The following TBC1D4 variants were observed in gnomAD, a reference collection of about 807,000 sequenced individuals.
TBC1D4 encodes TBC1 domain family member 4.
In TBC1D4, 121 loss-of-function variants were observed where a neutral mutation model predicts 142.5. That is an observed-to-expected ratio of 0.85 (90% confidence interval 0.73 to 0.99). The LOEUF (loss-of-function observed/expected upper bound fraction) is 0.99, where lower values mean the gene tolerates loss of function less well. Ranked by LOEUF, TBC1D4 falls within the 50% of genes least tolerant of loss-of-function variation. The pLI is 0.00. For synonymous variants in TBC1D4, 630 were observed against 628.2 expected, an observed-to-expected ratio of 1.00 and a Z score of -0.04; for missense variants, 1,475 against 1,606.6, an observed-to-expected ratio of 0.92 and a Z score of 1.40.
intron 14 of TBC1D4, among the ~76,000 whole-genome samples, chr13:75,308,269 A>T (rs567662950): frequency 6.6e-6 from 1 of 152,322 alleles, no homozygotes; most frequent in South Asian, 2.1e-4. Context: ...TAACCTGTAA[A>T]ATCATATAGT....
intron 1 of TBC1D4, among the ~76,000 whole-genome samples, chr13:75,382,266 A>G (rs1883896974): frequency 6.6e-6 from 1 of 152,214 alleles, no homozygotes; most frequent in South Asian, 2.1e-4. Context: ...GTGAGTGTCC[A>G]ATGTCTATTT....
At chr13:75,371,761 C>T (rs1448265560) in intron 1 of TBC1D4, among the ~76,000 whole-genome samples, 1 of 152,064 alleles carries the variant, frequency 6.6e-6, no homozygotes, top group Non-Finnish European at 1.5e-5. Flanking sequence ...TAAAATGAAC[C>T]CATGTAGGTA....
At chr13:75,294,288 T>G (rs1057420508) in intron 18 of TBC1D4, among the ~76,000 whole-genome samples, 1 of 152,188 alleles carries the variant, frequency 6.6e-6, no homozygotes, top group East Asian at 1.9e-4. Flanking sequence ...CTCTACTGAC[T>G]GTACTTAGTG....
chr13:75,347,006 A>C (rs1293402825), intron 5 of TBC1D4, among the ~76,000 whole-genome samples: 1 of 152,204 alleles, frequency 6.6e-6, no homozygotes, highest in Admixed American at 6.5e-5. Flanking sequence ...ACAACATTTT[A>C]AATGTCACCT....
chr13:75,348,915 G>A (rs1251722619), intron 5 of TBC1D4, among the ~76,000 whole-genome samples: 1 of 149,502 alleles, frequency 6.7e-6, no homozygotes, highest in African/African-American at 2.5e-5. Flanking sequence ...CTTCAGAAAT[G>A]AGAGAGAGAG....
intron 1 of TBC1D4, among the ~76,000 whole-genome samples, chr13:75,386,820 G>C (rs1343337839): frequency 6.6e-6 from 1 of 152,092 alleles, no homozygotes; most frequent in East Asian, 1.9e-4. Flanking sequence ...GTTAATATAG[G>C]TATAAAATTT....
chr13:75,423,265 T>C (rs1886242701), intron 1 of TBC1D4, among the ~76,000 whole-genome samples: 1 of 152,016 alleles, frequency 6.6e-6, no homozygotes. Context: ...GTTTTTTTTT[T>C]CTCTGTTTAA....
rs1213489024 is a variant in TBC1D4, at chr13:75,384,135, T to C, written c.499-21528A>G. ...ATAATAATGATAAAAAGAAAACTTA[T>C]CTCCAGGCCAGGTGCAGTGGCTCAC... On this transcript the variant is annotated intron_variant, in intron 1 of 20. Transcript: ENST00000377636. 2.0e-5 allele frequency among the ~76,000 whole-genome samples: 3 copies of C among 152,154 alleles called. No homozygotes were observed. In the East Asian group the frequency reaches 5.8e-4, roughly 29 times the overall value.
chr13:75,461,685 C>T (rs1406397335), intron 1 of TBC1D4, among the ~76,000 whole-genome samples: 1 of 152,198 alleles, frequency 6.6e-6, no homozygotes, highest in Non-Finnish European at 1.5e-5. Flanking sequence ...TTCCTACATA[C>T]AGGTAGCTAC....
chr13:75,470,783 T>C (rs1386352683), intron 1 of TBC1D4, among the ~76,000 whole-genome samples: 3 of 151,960 alleles, frequency 2.0e-5, no homozygotes, highest in Non-Finnish European at 2.9e-5. Flanking sequence ...GTCAGGAGTT[T>C]AAGACCAGCC....
At chr13:75,342,656 T>TA (rs1454815427) in intron 5 of TBC1D4, among the ~76,000 whole-genome samples, 3 of 152,034 alleles carry the variant, frequency 2.0e-5, no homozygotes, top group African/African-American at 7.2e-5. Context: ...AATTTTTTTT[T>TA]AAAAAAGAAA....
chr13:75,295,965 TA>T (rs1875874767), intron 17 of TBC1D4, among the ~76,000 whole-genome samples: 1 of 152,140 alleles, frequency 6.6e-6, no homozygotes, highest in Non-Finnish European at 1.5e-5. Flanking sequence ...TGACAATACA[TA>T]AAAATAACCA....
chr13:75,460,109 C>T (rs1169330617), intron 1 of TBC1D4, among the ~76,000 whole-genome samples: 1 of 152,014 alleles, frequency 6.6e-6, no homozygotes, highest in Non-Finnish European at 1.5e-5. Context: ...CGCCACTGCA[C>T]TGCAGCCTGG....
chr13:75,417,742 T>C (rs1216427322), intron 1 of TBC1D4, among the ~76,000 whole-genome samples: 1 of 152,198 alleles, frequency 6.6e-6, no homozygotes, highest in African/African-American at 2.4e-5. Context: ...TTATTCTTAT[T>C]CCAGTGATTC....
At chr13:75,341,050 G>A (rs1880648926) in intron 7 of TBC1D4, 75 bp downstream of exon 7, 1 of 1,320,034 alleles carries the variant, frequency 7.6e-7, no homozygotes, top group Admixed American at 1.7e-5. Context: ...TAAAGAACCT[G>A]AGAGTACAAA....
chr13:75,426,872 T>C (rs1365152124), intron 1 of TBC1D4, among the ~76,000 whole-genome samples: 1 of 110,708 alleles, frequency 9.0e-6, no homozygotes. Context: ...GGAGACCCTG[T>C]CTGGAAAAAA....
At chr13:75,336,856 G>A in intron 8 of TBC1D4, 65 bp downstream of exon 8, 4 of 1,593,046 alleles carry the variant, frequency 2.5e-6, no homozygotes, top group East Asian at 2.2e-5. Flanking sequence ...AGCCTGTTGA[G>A]ACTGAAGCTA....
Position 75,303,306 on chromosome 13 carries a change from G to C in TBC1D4, c.2753-905C>G, listed in dbSNP as rs1876780957. ...CACTCCAGCCTGGGAGACACAGCGA[G>C]ACTCTGTCTAAAAAAAAAAGAAATA... On this transcript the variant is annotated intron_variant, in intron 15 of 20. Transcript: ENST00000377636. 2.6e-5 allele frequency among the ~76,000 whole-genome samples: 4 copies of C among 151,928 alleles called. No homozygotes were observed. The South Asian group carries it at 8.3e-4, about 32-fold the overall frequency.
In TBC1D4 at chr13:75,346,915, C is replaced by T. The variant is rs530905774; in HGVS notation, c.1408+2255G>A. Reference sequence around the variant, plus strand: ...AGTTCAAATTCATTCCTATTAACTGCTTCATTATGTGAATATACTACTAAT... The same window carrying T: ...AGTTCAAATTCATTCCTATTAACTGTTTCATTATGTGAATATACTACTAAT... On this transcript the variant is annotated intron_variant, in intron 5 of 20. Transcript: ENST00000377636. 2.0e-5 allele frequency among the ~76,000 whole-genome samples: 3 copies of T among 152,314 alleles called. No individual in the cohort carries two copies. In the South Asian group the frequency reaches 6.2e-4, roughly 32 times the overall value.
Sources: allele counts gnomAD v4.1 joint callset (sites outside exome capture counted in the v4.1 genomes callset), GRCh38; gene constraint gnomAD v4.1.1; transcripts MANE v1.5; gene names NCBI Gene and HGNC (gene_info 2026-07-23, HGNC 2026-07-21).